Variants in TBC1D9 observed in about 807,000 individuals in gnomAD.
TBC1D9 encodes TBC1 domain family member 9A.
Under a neutral mutation model 132.0 loss-of-function variants are expected in TBC1D9, and 63 were observed. The ratio of observed to expected loss-of-function variants is 0.48; its 90% CI spans 0.39 to 0.59. TBC1D9 has a LOEUF of 0.59. Ranked by LOEUF, TBC1D9 falls within the 20% of genes least tolerant of loss-of-function variation. TBC1D9 has a pLI of 0.00. For synonymous variants in TBC1D9, 610 were observed against 609.9 expected (o/e 1.00, Z 0.00); for missense variants, 1,261 against 1,592.7 (o/e 0.79, Z 3.54).
In TBC1D9 at chr4:140,636,433, C is replaced by T. The variant is rs576169677; in HGVS notation, c.2506-2245G>A. On this transcript the variant is annotated intron_variant, in intron 15 of 20. Transcript: ENST00000442267. Reference sequence around the variant, plus strand: ...TAAGAGACAGGGTCTCACTCTGTTGCCCAGGCTGGAGTGCAGTGGTGTGAT... The same window carrying T: ...TAAGAGACAGGGTCTCACTCTGTTGTCCAGGCTGGAGTGCAGTGGTGTGAT... Among the ~76,000 whole-genome samples the T allele has an allele frequency of 1.7e-4, 26 of 152,280 alleles. No homozygotes were observed. In the South Asian group the frequency reaches 5.4e-3, roughly 32 times the overall value.
intron 16 of TBC1D9, among the ~76,000 whole-genome samples, chr4:140,632,948 T>C (rs1736821081): frequency 6.6e-6 from 1 of 152,244 alleles, no homozygotes; most frequent in African/African-American, 2.4e-5. Context: ...TCTAAATAAA[T>C]GCGAGTTCTC....
At chr4:140,754,371 C>T (rs567496868) in intron 1 of TBC1D9, among the ~76,000 whole-genome samples, 1 of 151,958 alleles carries the variant, frequency 6.6e-6, no homozygotes, top group Non-Finnish European at 1.5e-5. Context: ...CCCAGCACTT[C>T]GGGAGGCCAA....
At chr4:140,737,308 C>A (rs1395482815) in intron 1 of TBC1D9, among the ~76,000 whole-genome samples, 1 of 152,022 alleles carries the variant, frequency 6.6e-6, no homozygotes, top group Non-Finnish European at 1.5e-5. Flanking sequence ...ACAGCCAGGG[C>A]AACATCAGTT....
intron 13 of TBC1D9, among the ~76,000 whole-genome samples, chr4:140,647,925 G>A (rs1737127145): frequency 6.6e-6 from 1 of 152,114 alleles, no homozygotes; most frequent in Non-Finnish European, 1.5e-5. Flanking sequence ...ACTTTGGGGG[G>A]GGTCTCTCCC....
intron 1 of TBC1D9, among the ~76,000 whole-genome samples, chr4:140,729,398 G>C (rs1008882859): frequency 6.6e-6 from 1 of 151,994 alleles, no homozygotes; most frequent in Non-Finnish European, 1.5e-5. Flanking sequence ...ACACATTCTC[G>C]AACTGCAATT....
chr4:140,689,190 C>A (rs542430869), intron 2 of TBC1D9, among the ~76,000 whole-genome samples: 2 of 152,220 alleles, frequency 1.3e-5, no homozygotes, highest in East Asian at 3.9e-4. Flanking sequence ...AGAGTCTGAG[C>A]CTCGGCTCAG....
intron 1 of TBC1D9, among the ~76,000 whole-genome samples, chr4:140,752,535 A>G (rs925822840): frequency 2.0e-5 from 3 of 150,326 alleles, no homozygotes; most frequent in East Asian, 2.0e-4. Context: ...GCAGTGTTCT[A>G]TATTTTTTAT....
intron 20 of TBC1D9, among the ~76,000 whole-genome samples, chr4:140,623,539 C>T (rs1048677770): frequency 7.9e-5 from 12 of 152,110 alleles, no homozygotes; most frequent in Non-Finnish European, 1.2e-4. Flanking sequence ...TAAGGAAATC[C>T]GAGACTCATC....
chr4:140,753,252 G>T (rs1738952900), intron 1 of TBC1D9, among the ~76,000 whole-genome samples: 1 of 151,688 alleles, frequency 6.6e-6, no homozygotes. Context: ...TTTCCAGCTA[G>T]ATTCTTTTTT....
rs1198508711 is a variant in TBC1D9, at chr4:140,641,090, C to A, written c.2338-1662G>T. On this transcript the variant is annotated intron_variant, in intron 13 of 20. Coordinates refer to ENST00000442267, the MANE Select transcript of TBC1D9 (RefSeq NM_015130.3). ...TAAATCTTACAATCATAATACTAAG[C>A]AAAAAAAAAAAAAACAAAAAAAAAC... Among the ~76,000 whole-genome samples, 205 of 34,860 alleles carry A rather than the reference C, an allele frequency of 5.9e-3. 2 individuals carry two copies. The highest frequency in any genetic ancestry group is 0.013 in the African/African-American group (100 of 7,618). The allele number at this position is 34,860 out of a possible 152,430, so 22.9% of individuals were successfully genotyped here.
At chr4:140,623,982 C>G in intron 20 of TBC1D9, 134 bp downstream of exon 20, 1 of 699,992 alleles carries the variant, frequency 1.4e-6, no homozygotes, top group South Asian at 2.2e-5. Flanking sequence ...CAAAATAGGT[C>G]CAAATGGATA....
In TBC1D9 at chr4:140,749,651, C is replaced by T. The variant is rs548300271; in HGVS notation, c.130+6265G>A. Among the ~76,000 whole-genome samples, 17 of 151,972 alleles carry T rather than the reference C, an allele frequency of 1.1e-4. No homozygotes were observed. In the South Asian group the frequency reaches 2.9e-3, roughly 26 times the overall value. On this transcript the variant is annotated intron_variant, in intron 1 of 20. Transcript: ENST00000442267. ...CAGCCTGGCCAATATAGTGAGACCC[C>T]GTCTCTATTTATAAAAAACAATTAA...
At chr4:140,732,756 T>TG (rs1307559537) in intron 1 of TBC1D9, among the ~76,000 whole-genome samples, 1 of 151,808 alleles carries the variant, frequency 6.6e-6, no homozygotes, top group East Asian at 1.9e-4. Flanking sequence ...GAAACCAGGG[T>TG]TTTTTTTGGT....
At chr4:140,750,063 C>A (rs1371289575) in intron 1 of TBC1D9, among the ~76,000 whole-genome samples, 1 of 151,052 alleles carries the variant, frequency 6.6e-6, no homozygotes, top group Non-Finnish European at 1.5e-5. Context: ...ATTCAGCATC[C>A]AAATATAATC....
intron 1 of TBC1D9, among the ~76,000 whole-genome samples, chr4:140,721,313 G>A (rs550168316): frequency 6.6e-6 from 1 of 152,184 alleles, no homozygotes; most frequent in Non-Finnish European, 1.5e-5. Context: ...GTGACCTTAC[G>A]CCAGGTAGGC....
intron 1 of TBC1D9, among the ~76,000 whole-genome samples, chr4:140,735,191 T>C (rs12500421): frequency 0.32 from 48,778 of 152,108 alleles, 8,425 homozygotes; most frequent in East Asian, 0.56. Context: ...CTTTGAAAGA[T>C]GATTAACCCT....
rs1738069140 is a variant in TBC1D9 at position 140,701,532 on chromosome 4, G to A, written c.213C>T (p.Asp71=). ...AGGCGATGGTCCAGTAGACCAGGGA[G>A]TCTGGAGTCTGGTACAAGATTCGGT... ...APYRILYQTP[D]SLVYWTIACG... Residue 71 remains aspartate (D), a synonymous_variant, in exon 2 of 21, where the codon GAC becomes GAT. Coordinates refer to ENST00000442267, the MANE Select transcript of TBC1D9 (RefSeq NM_015130.3). 1 of 1,613,880 alleles carries A rather than the reference G, an allele frequency of 6.2e-7. No individual in the cohort carries two copies. Among genetic ancestry groups the A allele is most frequent in the Non-Finnish European group, 8.5e-7 (1 of 1,179,790 alleles).
At position 140,712,449 on chromosome 4, in the gene TBC1D9, A is replaced by G. The variant is rs866075737; in HGVS notation, c.131-10835T>C. ...CTGAATATGCTCTTTAAAAAAAAAGAATATATATATATGCCAGGTGCGGTG... is the reference window on the plus strand; with the variant it reads ...CTGAATATGCTCTTTAAAAAAAAAGGATATATATATATGCCAGGTGCGGTG... On this transcript the variant is annotated intron_variant, in intron 1 of 20. Transcript: ENST00000442267. Among the ~76,000 whole-genome samples the G allele has an allele frequency of 1.9e-5, 2 of 102,706 alleles. 1 individual carries two copies. Among genetic ancestry groups the G allele is most frequent in the Non-Finnish European group, 3.5e-5 (2 of 56,860 alleles). 67.4% of individuals were successfully genotyped at this position (102,706 alleles called of 152,430 possible). A position where few individuals can be genotyped will look rare whatever the true frequency, so the allele number is the denominator to read the frequency against.
intron 13 of TBC1D9, chr4:140,643,351 T>G (rs1020213987): frequency 1.5e-6 from 2 of 1,326,798 alleles, no homozygotes; most frequent in Non-Finnish European, 2.1e-6. Flanking sequence ...TGGACTCCAG[T>G]AGCACCTGGG....
Sources: allele counts gnomAD v4.1 joint callset (sites outside exome capture counted in the v4.1 genomes callset), GRCh38; gene constraint gnomAD v4.1.1; transcripts MANE v1.5; gene names NCBI Gene and HGNC (gene_info 2026-07-23, HGNC 2026-07-21).